ANO4: variants seen among roughly 807,000 people sequenced by gnomAD.
ANO4 encodes anoctamin 4, also known as anoctamin-4.
A neutral mutation model predicts 141.9 loss-of-function variants in ANO4; 69 were observed. That is an observed-to-expected ratio of 0.49 (90% confidence interval 0.40 to 0.59). ANO4 has a LOEUF of 0.59. Ranked by LOEUF, ANO4 falls within the 20% of genes least tolerant of loss-of-function variation. ANO4 has a pLI of 0.00. For missense variants in ANO4, 894 were observed against 1,162.2 expected (o/e 0.77, Z 3.36); for synonymous variants, 350 against 394.3 (o/e 0.89, Z 1.33).
chr12:100,717,275 C>T (rs1273737926), upstream of ANO4, among the ~76,000 whole-genome samples: 10 of 151,674 alleles, frequency 6.6e-5, no homozygotes, highest in Non-Finnish European at 1.0e-4. Context: ...CCCGCGGGGA[C>T]CCGGAGCGCG....
At chr12:101,017,703 T>G (rs866601369) in intron 8 of ANO4, among the ~76,000 whole-genome samples, 7 of 152,200 alleles carry the variant, frequency 4.6e-5, no homozygotes, top group Admixed American at 1.3e-4. Flanking sequence ...TCAGCCCTTT[T>G]TTAGCTCAGT....
chr12:100,833,331 A>G (rs962703302), intron 1 of ANO4, among the ~76,000 whole-genome samples: 1 of 152,172 alleles, frequency 6.6e-6, no homozygotes, highest in Non-Finnish European at 1.5e-5. Flanking sequence ...AGAGTAATAT[A>G]CAAATGGAAT....
At chr12:100,806,852 A>G (rs1040571614) in intron 1 of ANO4, among the ~76,000 whole-genome samples, 2 of 151,778 alleles carry the variant, frequency 1.3e-5, no homozygotes, top group Non-Finnish European at 2.9e-5. Context: ...GGAGCTCTTT[A>G]TATACTAGAA....
chr12:101,048,417 C>T lies in ANO4; in HGVS notation c.1312+16C>T. ...GCAGTCTGGGGTAAGTGTTCTATAA[C>T]CATAAAACTTGAGTTTTCCTCATAT... On this transcript the variant is annotated intron_variant, in intron 14 of 27. Transcript: ENST00000392977. The T allele has an allele frequency of 6.2e-7, 1 of 1,610,484 alleles. No homozygotes were observed. Among genetic ancestry groups the T allele is most frequent in the Non-Finnish European group, 8.5e-7 (1 of 1,177,070 alleles).
intron 5 of ANO4, among the ~76,000 whole-genome samples, chr12:100,966,371 G>C (rs1468225566): frequency 6.6e-6 from 1 of 152,104 alleles, no homozygotes; most frequent in East Asian, 1.9e-4. Context: ...AAGTTAAATA[G>C]CTTGTTCAAG....
chr12:101,095,222 T>C (rs1193860845), intron 18 of ANO4, among the ~76,000 whole-genome samples: 1 of 152,220 alleles, frequency 6.6e-6, no homozygotes, highest in Admixed American at 6.5e-5. Context: ...GATACAGAGC[T>C]AGGCACTTTA....
At chr12:101,032,027 A>G (rs554323762) in intron 9 of ANO4, among the ~76,000 whole-genome samples, 7 of 152,352 alleles carry the variant, frequency 4.6e-5, no homozygotes, top group Admixed American at 1.3e-4. Context: ...TTATAGATTC[A>G]ATGCTATTCC....
intron 1 of ANO4, among the ~76,000 whole-genome samples, chr12:100,884,577 A>G (rs748579495): frequency 2.6e-5 from 4 of 152,154 alleles, no homozygotes; most frequent in Non-Finnish European, 4.4e-5. Flanking sequence ...AATGTCACCA[A>G]TTTATCTTAC....
chr12:101,091,344 C>T (rs1482842073), intron 17 of ANO4, among the ~76,000 whole-genome samples: 4 of 152,298 alleles, frequency 2.6e-5, no homozygotes, highest in Middle Eastern at 3.4e-3. Context: ...TCTTACCCTC[C>T]TCAGCTATCT....
chr12:101,077,886 C>T (rs1247244171), intron 14 of ANO4, among the ~76,000 whole-genome samples: 1 of 151,994 alleles, frequency 6.6e-6, no homozygotes, highest in Non-Finnish European at 1.5e-5. Context: ...CCTGTATTAC[C>T]CTCCTTCTTT....
chr12:100,766,331 G>A (rs2033080214), intron 3 of ANO4, among the ~76,000 whole-genome samples: 1 of 152,020 alleles, frequency 6.6e-6, no homozygotes, highest in South Asian at 2.1e-4. Context: ...TATAAAGTTA[G>A]CGTCTTTATT....
intron 2 of ANO4, among the ~76,000 whole-genome samples, chr12:100,902,490 T>C (rs10860656): frequency 6.6e-6 from 1 of 152,016 alleles, no homozygotes; most frequent in African/African-American, 2.4e-5. Flanking sequence ...CAAGGAAATA[T>C]CAGTGACCAA....
intron 1 of ANO4, among the ~76,000 whole-genome samples, chr12:100,890,139 T>C (rs1008353392): frequency 6.6e-6 from 1 of 152,180 alleles, no homozygotes; most frequent in African/African-American, 2.4e-5. Flanking sequence ...TGAAAACATA[T>C]ACTTTTTTTA....
intron 1 of ANO4, among the ~76,000 whole-genome samples, chr12:100,802,108 G>A (rs2034735444): frequency 6.6e-6 from 1 of 152,154 alleles, no homozygotes; most frequent in African/African-American, 2.4e-5. Context: ...CCTGAAGGGA[G>A]TTTAGCATTG....
At chr12:100,946,479 A>G (rs1272354270) in intron 5 of ANO4, among the ~76,000 whole-genome samples, 2 of 152,162 alleles carry the variant, frequency 1.3e-5, no homozygotes, top group Non-Finnish European at 2.9e-5. Context: ...AGTAGAAAGT[A>G]GCACTGATGG....
intron 3 of ANO4, among the ~76,000 whole-genome samples, chr12:100,930,598 A>G (rs577298908): frequency 6.6e-6 from 1 of 152,032 alleles, no homozygotes; most frequent in African/African-American, 2.4e-5. Flanking sequence ...TATTTTTTTT[A>G]AATCTCATGA....
chr12:100,869,193 G>A (rs1164325684), intron 1 of ANO4, among the ~76,000 whole-genome samples: 1 of 152,198 alleles, frequency 6.6e-6, no homozygotes, highest in Non-Finnish European at 1.5e-5. Flanking sequence ...TGTCCTCATT[G>A]ATCCAATGCC....
chr12:101,012,118 T>C (rs1264264309), intron 8 of ANO4, among the ~76,000 whole-genome samples: 1 of 152,142 alleles, frequency 6.6e-6, no homozygotes, highest in Non-Finnish European at 1.5e-5. Flanking sequence ...ATCTATAATA[T>C]AACCTGACAG....
intron 1 of ANO4, among the ~76,000 whole-genome samples, chr12:100,895,030 A>G (rs994510055): frequency 6.6e-6 from 1 of 151,780 alleles, no homozygotes; most frequent in Admixed American, 6.6e-5. Flanking sequence ...CAGACCTGAG[A>G]GTAACCAAGA....
Sources: gnomAD v4.1 joint callset for allele counts (sites outside exome capture counted in the v4.1 genomes callset) on GRCh38, gnomAD v4.1.1 for gene constraint, MANE v1.5 for transcripts, NCBI Gene and HGNC (gene_info 2026-07-23, HGNC 2026-07-21) for gene names.